Variants in PPP2R2B observed in about 807,000 individuals in gnomAD.
PPP2R2B encodes serine/threonine-protein phosphatase 2A 55 kDa regulatory subunit B beta isoform.
A neutral mutation model predicts 46.0 loss-of-function variants in PPP2R2B; 5 were observed. The observed-to-expected ratio is 0.11, with a 90% confidence interval of 0.06 to 0.23. PPP2R2B has a LOEUF of 0.23. Among genes scored for constraint, PPP2R2B ranks in the 10% least tolerant of loss-of-function variants. The pLI is 1.00. For missense variants in PPP2R2B, 367 were observed against 575.0 expected (o/e 0.64, Z 3.70); for synonymous variants, 215 against 206.7 (o/e 1.04, Z -0.34).
At chr5:146,895,733 A>G (rs1762624757) in intron 1 of PPP2R2B, among the ~76,000 whole-genome samples, 1 of 152,160 alleles carries the variant, frequency 6.6e-6, no homozygotes, top group South Asian at 2.1e-4. Context: ...CTATTTTGTA[A>G]TATGTTTATG....
At chr5:146,861,489 C>T (rs555006583) in intron 2 of PPP2R2B, among the ~76,000 whole-genome samples, 4 of 152,300 alleles carry the variant, frequency 2.6e-5, no homozygotes, top group East Asian at 1.9e-4. Context: ...CCGCGCCCGT[C>T]GTCAAACTAA....
At chr5:146,810,720 T>C (rs1342421602) in intron 2 of PPP2R2B, among the ~76,000 whole-genome samples, 1 of 151,992 alleles carries the variant, frequency 6.6e-6, no homozygotes, top group Non-Finnish European at 1.5e-5. Flanking sequence ...TTTTTCTTTT[T>C]AATATATATA....
At chr5:146,835,968 G>T (rs1759256853) in intron 2 of PPP2R2B, among the ~76,000 whole-genome samples, 1 of 152,118 alleles carries the variant, frequency 6.6e-6, no homozygotes, top group Non-Finnish European at 1.5e-5. Flanking sequence ...ACTTTCCAAA[G>T]CCTGAGTTCC....
At chr5:146,878,861 C>T (rs1762065737), upstream of PPP2R2B, 1 of 1,195,740 alleles carries the variant, frequency 8.4e-7, no homozygotes, top group Non-Finnish European at 1.1e-6. The surrounding 1 kb of genome is among the most constrained non-coding windows in gnomAD (Gnocchi z 4.5). Flanking sequence ...GAGGCAGAGG[C>T]TGCGGCTGCT....
chr5:147,021,407 T>C (rs1345540093), intron 1 of PPP2R2B, among the ~76,000 whole-genome samples: 1 of 152,188 alleles, frequency 6.6e-6, no homozygotes, highest in East Asian at 1.9e-4. Flanking sequence ...AAATCTGCAA[T>C]AGAAGTCCTA....
chr5:146,998,965 G>T (rs981178184), intron 1 of PPP2R2B, among the ~76,000 whole-genome samples: 1 of 122,826 alleles, frequency 8.1e-6, no homozygotes, highest in African/African-American at 3.1e-5. Context: ...AGTGAGCAGA[G>T]ATCAAGCCAC....
At chr5:146,739,138 G>A (rs2400229) in intron 2 of PPP2R2B, among the ~76,000 whole-genome samples, 2 of 152,002 alleles carry the variant, frequency 1.3e-5, no homozygotes, top group African/African-American at 2.4e-5. Flanking sequence ...CCCATCCCCC[G>A]AACCTCTTGA....
intron 7 of PPP2R2B, among the ~76,000 whole-genome samples, chr5:146,601,277 A>C (rs1032931369): frequency 6.6e-6 from 1 of 152,094 alleles, no homozygotes; most frequent in African/African-American, 2.4e-5. Flanking sequence ...ATATGTTTTC[A>C]TTTCTCTTGT....
intron 2 of PPP2R2B, among the ~76,000 whole-genome samples, chr5:146,721,257 T>C (rs1285056000): frequency 6.6e-6 from 1 of 151,980 alleles, no homozygotes; most frequent in Non-Finnish European, 1.5e-5. Context: ...GTTGATTAGA[T>C]TTAATTAATT....
At chr5:146,712,112 T>G (rs73320055) in intron 2 of PPP2R2B, among the ~76,000 whole-genome samples, 4,306 of 152,268 alleles carry the variant, frequency 0.028, 222 homozygotes, top group African/African-American at 0.099. Context: ...TCAAACAAAA[T>G]AAATATGTTG....
At chr5:146,796,428 G>A (rs1756540668) in intron 2 of PPP2R2B, among the ~76,000 whole-genome samples, 1 of 152,160 alleles carries the variant, frequency 6.6e-6, no homozygotes, top group Admixed American at 6.6e-5. Context: ...CGTGGCATCT[G>A]ACTGCTCTAG....
At chr5:147,062,508 A>G (rs1432834899) in intron 2 of PPP2R2B, among the ~76,000 whole-genome samples, 1 of 152,170 alleles carries the variant, frequency 6.6e-6, no homozygotes, top group Non-Finnish European at 1.5e-5. Context: ...TCATTATTTT[A>G]TCTGTTTATA....
intron 7 of PPP2R2B, among the ~76,000 whole-genome samples, chr5:146,619,372 C>G (rs140128783): frequency 0.017 from 2,644 of 151,986 alleles, 67 homozygotes; most frequent in African/African-American, 0.06. Flanking sequence ...CCCAGCTCCT[C>G]CAGAGGCTGA....
rs80326843 is a variant in PPP2R2B, at chr5:146,592,511, G to A, written c.1052+460C>T. ...TAAAATAGTAATAAATCACTTTGAG[G>A]GAATGTGATAAATGAGGTTGACTAG... On this transcript the variant is annotated intron_variant, in intron 9 of 9. Transcript: ENST00000394411. 6.9e-3 allele frequency among the ~76,000 whole-genome samples: 1,056 copies of A among 152,258 alleles called. 13 individuals carry two copies. The highest frequency in any genetic ancestry group is 0.024 in the African/African-American group (1,003 of 41,546).
intron 1 of PPP2R2B, among the ~76,000 whole-genome samples, chr5:146,926,027 A>G (rs1763771543): frequency 6.6e-6 from 1 of 152,082 alleles, no homozygotes; most frequent in Non-Finnish European, 1.5e-5. Context: ...CTATTTGTTG[A>G]TCTCTTGTTA....
chr5:146,984,416 T>C (rs1206720588), intron 1 of PPP2R2B, among the ~76,000 whole-genome samples: 2 of 152,360 alleles, frequency 1.3e-5, no homozygotes, highest in Admixed American at 1.3e-4. Context: ...ATGATACTTT[T>C]CTTCTTTTTA....
intron 1 of PPP2R2B, among the ~76,000 whole-genome samples, chr5:146,921,844 A>C (rs1267486455): frequency 6.6e-6 from 1 of 152,228 alleles, no homozygotes; most frequent in Non-Finnish European, 1.5e-5. Flanking sequence ...AAGTACTACT[A>C]CTATTAATTA....
intron 1 of PPP2R2B, among the ~76,000 whole-genome samples, chr5:147,000,919 T>C (rs536513192): frequency 6.6e-6 from 1 of 152,152 alleles, no homozygotes; most frequent in Non-Finnish European, 1.5e-5. Context: ...TAAATCAAGT[T>C]ACACAGCCTC....
chr5:146,839,593 A>G (rs890365668), intron 2 of PPP2R2B, among the ~76,000 whole-genome samples: 2 of 152,224 alleles, frequency 1.3e-5, no homozygotes, highest in African/African-American at 4.8e-5. Flanking sequence ...GGAGGTAAGT[A>G]TAAGAACCAG....
Sources: allele counts gnomAD v4.1 joint callset (sites outside exome capture counted in the v4.1 genomes callset), GRCh38; gene constraint gnomAD v4.1.1; non-coding constraint Gnocchi (gnomAD v3.1); transcripts MANE v1.5; gene names NCBI Gene and HGNC (gene_info 2026-07-23, HGNC 2026-07-21).